Variants in PLCB1 observed in about 807,000 individuals in gnomAD.
PLCB1 encodes phospholipase C beta 1.
PLCB1 carries 46 observed loss-of-function variants against 161.8 expected under a neutral mutation model. The ratio of observed to expected loss-of-function variants is 0.28; its 90% confidence interval spans 0.22 to 0.36. The LOEUF (loss-of-function observed/expected upper bound fraction) is 0.36. Ranked by LOEUF, PLCB1 falls within the 10% of genes least tolerant of loss-of-function variation. The pLI, the probability that PLCB1 is intolerant of heterozygous loss-of-function variation, is 1.00. For synonymous variants in PLCB1, 517 were observed against 503.7 expected (o/e 1.03, Z -0.35); for missense variants, 1,016 against 1,472.5 (o/e 0.69, Z 5.07).
chr20:8,291,313 C>G (rs1983372442), intron 2 of PLCB1, among the ~76,000 whole-genome samples: 1 of 152,104 alleles, frequency 6.6e-6, no homozygotes. Context: ...TGCCACCTCC[C>G]AGGCCCAGCT....
chr20:8,164,769 GA>G (rs1211545439), intron 2 of PLCB1, among the ~76,000 whole-genome samples: 1 of 152,188 alleles, frequency 6.6e-6, no homozygotes, highest in Non-Finnish European at 1.5e-5. Flanking sequence ...GCTCAAAGGG[GA>G]AGCTAGCCCT....
intron 9 of PLCB1, among the ~76,000 whole-genome samples, chr20:8,665,408 T>A (rs1600236232): frequency 6.6e-6 from 1 of 152,256 alleles, no homozygotes; most frequent in Non-Finnish European, 1.5e-5. Flanking sequence ...AAAACATTTA[T>A]GAGTCTAGAA....
chr20:8,524,734 C>A (rs1279744476), intron 3 of PLCB1, among the ~76,000 whole-genome samples: 1 of 152,146 alleles, frequency 6.6e-6, no homozygotes, highest in African/African-American at 2.4e-5. Context: ...TCTTTGTAAG[C>A]CAGAGTTGTT....
intron 2 of PLCB1, among the ~76,000 whole-genome samples, chr20:8,261,959 C>A (rs1320744969): frequency 6.6e-6 from 1 of 152,164 alleles, no homozygotes; most frequent in African/African-American, 2.4e-5. Context: ...ATCCAGGTAG[C>A]CCCACATACA....
In PLCB1 at chr20:8,651,607, GC is replaced by G. The variant is rs1354745206; in HGVS notation, c.594+2159del. ...CCCGACTTCAACAAATATTTCTTGA[GC>G]TCTTACTATGTGCCCATAGGCATTG... On this transcript the variant is annotated intron_variant, in intron 7 of 31. Coordinates refer to ENST00000338037, the MANE Select transcript of PLCB1 (RefSeq NM_015192.4). 13 of 677,940 alleles carry G rather than the reference GC, an allele frequency of 1.9e-5. No homozygotes were observed. The Middle Eastern group carries it at 8.4e-4, about 44-fold the overall frequency. 42.0% of individuals were successfully genotyped at this position (677,940 alleles called of 1,614,324 possible). A position where few individuals can be genotyped will look rare whatever the true frequency, so the allele number is the denominator to read the frequency against.
In PLCB1 at chr20:8,882,024, A is replaced by G. The variant is rs541087340; in HGVS notation, c.*175A>G. 6 of 595,708 alleles carry G rather than the reference A, an allele frequency of 1.0e-5. No individual in the cohort carries two copies. The highest frequency in any genetic ancestry group is 7.4e-5 in the African/African-American group (4 of 53,910). 36.9% of individuals were successfully genotyped at this position (595,708 alleles called of 1,614,324 possible). On this transcript the variant is annotated 3_prime_UTR_variant, in exon 32 of 32. Transcript: ENST00000338037. ...TGAAGAATTCCCATGCCCAGGCTCC[A>G]TGTGTCATGTGGAAACCTCCACAGG...
At chr20:8,423,121 A>G (rs1979608710) in intron 3 of PLCB1, among the ~76,000 whole-genome samples, 1 of 152,150 alleles carries the variant, frequency 6.6e-6, no homozygotes, top group South Asian at 2.1e-4. Flanking sequence ...TACAGCACTT[A>G]TCCTTCTTTA....
intron 3 of PLCB1, among the ~76,000 whole-genome samples, chr20:8,425,936 C>T (rs1199501397): frequency 6.6e-6 from 1 of 152,078 alleles, no homozygotes; most frequent in East Asian, 1.9e-4. Flanking sequence ...TTTGAAACTT[C>T]CTTCTCATTT....
chr20:8,801,839 C>T (rs1025558201), intron 31 of PLCB1, among the ~76,000 whole-genome samples: 4 of 152,052 alleles, frequency 2.6e-5, no homozygotes, highest in Non-Finnish European at 4.4e-5. Context: ...GTGGGGAGGC[C>T]GAGGAGAACT....
intron 3 of PLCB1, among the ~76,000 whole-genome samples, chr20:8,451,676 T>A (rs953375930): frequency 9.9e-5 from 15 of 152,158 alleles, no homozygotes; most frequent in Admixed American, 9.8e-4. Context: ...GGTAAGTATT[T>A]TAAACCTCTT....
rs184941796 is a variant in PLCB1 at position 8,601,698 on chromosome 20, A to T, written c.247-26596A>T. Among the ~76,000 whole-genome samples, 20 of 152,248 alleles carry T rather than the reference A, an allele frequency of 1.3e-4. No homozygotes were observed. The East Asian group carries it at 3.3e-3, about 25-fold the overall frequency. Reference sequence around the variant, plus strand: ...CATGGCTGTGATGTGCAAAGCCAGGACTCACCCAGGTTATTCATTCCTAAA... The same window carrying T: ...CATGGCTGTGATGTGCAAAGCCAGGTCTCACCCAGGTTATTCATTCCTAAA... On this transcript the variant is annotated intron_variant, in intron 3 of 31. Coordinates refer to ENST00000338037, the MANE Select transcript of PLCB1 (RefSeq NM_015192.4).
intron 2 of PLCB1, among the ~76,000 whole-genome samples, chr20:8,313,997 C>A (rs1419725561): frequency 6.6e-6 from 1 of 152,188 alleles, no homozygotes; most frequent in Admixed American, 6.5e-5. Context: ...ACTTGACTCT[C>A]CCGAAGTAGG....
intron 14 of PLCB1, among the ~76,000 whole-genome samples, chr20:8,720,688 C>T (rs1979576671): frequency 6.6e-6 from 1 of 152,072 alleles, no homozygotes; most frequent in Non-Finnish European, 1.5e-5. Context: ...CTGCTTTTTA[C>T]AGTAAAGAAA....
At chr20:8,635,195 G>T (rs1988722212) in intron 4 of PLCB1, among the ~76,000 whole-genome samples, 1 of 152,010 alleles carries the variant, frequency 6.6e-6, no homozygotes, top group African/African-American at 2.4e-5. Context: ...AGTTTAGTCT[G>T]TTTTGTGTTC....
intron 3 of PLCB1, among the ~76,000 whole-genome samples, chr20:8,533,068 G>A (rs1984884901): frequency 1.4e-5 from 2 of 140,170 alleles, no homozygotes; most frequent in African/African-American, 5.4e-5. Flanking sequence ...CTGTGTCCAT[G>A]TGTTCTCATT....
At chr20:8,729,443 A>G (rs45598033) in intron 18 of PLCB1, 105 of 231,670 alleles carry the variant, frequency 4.5e-4, no homozygotes, top group African/African-American at 2.2e-3. Context: ...AAGATAATAC[A>G]TATTTATTTT....
chr20:8,464,093 G>A (rs1206608352), intron 3 of PLCB1, among the ~76,000 whole-genome samples: 2 of 152,102 alleles, frequency 1.3e-5, no homozygotes, highest in Non-Finnish European at 2.9e-5. Flanking sequence ...GTTGACAGTT[G>A]TTTCTTCTTG....
chr20:8,580,059 C>G (rs529992856), intron 3 of PLCB1, among the ~76,000 whole-genome samples: 1 of 151,986 alleles, frequency 6.6e-6, no homozygotes, highest in Non-Finnish European at 1.5e-5. Flanking sequence ...AGTATGACAG[C>G]CTAATGAGAA....
intron 31 of PLCB1, among the ~76,000 whole-genome samples, chr20:8,865,235 C>G (rs1328562001): frequency 1.3e-5 from 2 of 152,092 alleles, no homozygotes; most frequent in Non-Finnish European, 2.9e-5. Flanking sequence ...ATAACACTAG[C>G]TCTTTCTTTC....
Sources: gnomAD v4.1 joint callset for allele counts (sites outside exome capture counted in the v4.1 genomes callset) on GRCh38, gnomAD v4.1.1 for gene constraint, MANE v1.5 for transcripts, NCBI Gene and HGNC (gene_info 2026-07-23, HGNC 2026-07-21) for gene names.